Variants in NUMB observed in about 807,000 individuals in gnomAD.
NUMB encodes the protein protein numb homolog.
Under a neutral mutation model 59.7 loss-of-function variants are expected in NUMB, and 29 were observed. The observed-to-expected ratio is 0.49, with a 90% CI of 0.36 to 0.66. NUMB has a LOEUF of 0.66. NUMB is among the 30% of genes least tolerant of loss of function. NUMB has a pLI of 0.00. For synonymous variants in NUMB, 288 were observed against 288.2 expected (o/e 1.00, Z 0.01); for missense variants, 723 against 822.0 (o/e 0.88, Z 1.47).
At chr14:73,406,254 C>T (rs1232414708) in intron 2 of NUMB, among the ~76,000 whole-genome samples, 1 of 126,064 alleles carries the variant, frequency 7.9e-6, no homozygotes, top group Non-Finnish European at 1.6e-5. Flanking sequence ...CTCCCCCCAC[C>T]CCATGACAGG....
intron 12 of NUMB, among the ~76,000 whole-genome samples, chr14:73,277,689 G>A (rs12589333): frequency 6.6e-6 from 1 of 151,860 alleles, no homozygotes; most frequent in African/African-American, 2.4e-5. Context: ...TTGAGCCCAA[G>A]AGCTGGAGGC....
At chr14:73,416,320 ACTTTTT>A (rs1359563697) in intron 1 of NUMB, among the ~76,000 whole-genome samples, 3 of 144,230 alleles carry the variant, frequency 2.1e-5, no homozygotes, top group Non-Finnish European at 4.6e-5. Flanking sequence ...AAATACTCTT[ACTTTTT>A]CTTTTCTTTT....
chr14:73,374,696 T>C (rs72736334), intron 2 of NUMB, among the ~76,000 whole-genome samples: 23,536 of 151,422 alleles, frequency 0.16, 2,660 homozygotes, highest in Non-Finnish European at 0.23. Context: ...GAAACTTTTT[T>C]TTAGCCCTTT....
At position 73,331,817 on chromosome 14, in the gene NUMB, C is replaced by T. The variant is rs982419683; in HGVS notation, c.127-8613G>A. Among the ~76,000 whole-genome samples the T allele has an allele frequency of 5.9e-5, 9 of 152,114 alleles. No homozygotes were observed. The South Asian group carries it at 6.2e-4, about 11-fold the overall frequency. ...CCTTGTGAAGAGGTGCCTTCTGCCA[C>T]GATTGCAAGTTTCCTGAGGCCTCCC... is the stretch of plus-strand genomic sequence containing the variant. On this transcript the variant is annotated intron_variant, in intron 4 of 12. Transcript: ENST00000555238.
intron 1 of NUMB, among the ~76,000 whole-genome samples, chr14:73,428,285 T>C (rs1032572775): frequency 6.6e-6 from 1 of 152,184 alleles, no homozygotes; most frequent in Non-Finnish European, 1.5e-5. Context: ...CCTACCTACC[T>C]AGGCTTTGGG....
Position 73,440,765 on chromosome 14 carries a change from T to C in NUMB, c.-233+17728A>G, listed in dbSNP as rs145659362. ...ATAGTATGAAACCGGGAGGTGGAGGTTGCAGTGAGCTGAGATCGCGCCACT... is the reference window on the plus strand; with the variant it reads ...ATAGTATGAAACCGGGAGGTGGAGGCTGCAGTGAGCTGAGATCGCGCCACT... On this transcript the variant is annotated intron_variant, in intron 1 of 12. Transcript: ENST00000555238. Among the ~76,000 whole-genome samples the C allele has an allele frequency of 5.6e-3, 809 of 145,516 alleles. 6 individuals are homozygous for C. Among genetic ancestry groups the C allele is most frequent in the Non-Finnish European group, 8.4e-3 (559 of 66,926 alleles).
At chr14:73,341,682 A>G (rs1215974718) in intron 4 of NUMB, among the ~76,000 whole-genome samples, 1 of 152,186 alleles carries the variant, frequency 6.6e-6, no homozygotes, top group African/African-American at 2.4e-5. Context: ...CAGCCTCCAG[A>G]GTACCTGGGA....
chr14:73,379,734 G>A (rs1323179479), intron 2 of NUMB, among the ~76,000 whole-genome samples: 2 of 152,192 alleles, frequency 1.3e-5, no homozygotes, highest in Non-Finnish European at 2.9e-5. Context: ...TGAGGCAAGT[G>A]TACAAGTCCT....
chr14:73,435,808 A>G (rs993779163), intron 1 of NUMB, among the ~76,000 whole-genome samples: 2 of 151,932 alleles, frequency 1.3e-5, no homozygotes, highest in Non-Finnish European at 2.9e-5. Context: ...GGAGTTCGAG[A>G]CTAGCCTGAC....
chr14:73,352,399 A>G (rs1347794043), intron 4 of NUMB, among the ~76,000 whole-genome samples: 7 of 143,328 alleles, frequency 4.9e-5, no homozygotes, highest in Non-Finnish European at 1.1e-4. Flanking sequence ...TCTTTTCTTA[A>G]AAGTATTTAC....
At chr14:73,419,884 G>T (rs1295254585) in intron 1 of NUMB, among the ~76,000 whole-genome samples, 2 of 152,084 alleles carry the variant, frequency 1.3e-5, no homozygotes, top group Admixed American at 6.5e-5. Flanking sequence ...AATTTTTTTT[G>T]AGAAAGAGTC....
At chr14:73,395,981 G>A (rs1358349289) in intron 2 of NUMB, among the ~76,000 whole-genome samples, 1 of 152,136 alleles carries the variant, frequency 6.6e-6, no homozygotes, top group Non-Finnish European at 1.5e-5. Context: ...CTAAATTGGA[G>A]TTGATATCAA....
rs149960397 is a variant in NUMB at position 73,275,806 on chromosome 14, G to C, written c.*772C>G. On this transcript the variant is annotated 3_prime_UTR_variant, in exon 13 of 13. Coordinates refer to ENST00000555238, the MANE Select transcript of NUMB (RefSeq NM_001005743.2). ...TGAATGACTGACAGAAAACAAGCTA[G>C]GGATCCTGTCTGCAGCTTCCAGCCT... 6.5e-6 allele frequency: 1 copy of C among 152,680 alleles called. No individual in the cohort carries two copies. The highest frequency in any genetic ancestry group is 1.9e-4 in the East Asian group (1 of 5,190). The allele number at this position is 152,680 out of a possible 1,614,324, so 9.5% of individuals were successfully genotyped here.
In NUMB at chr14:73,277,274, A is replaced by T. The variant is rs1175769145; in HGVS notation, c.1260T>A (p.Ser420=). 1.2e-6 allele frequency: 2 copies of T among 1,600,992 alleles called. No homozygotes were observed. Among genetic ancestry groups the T allele is most frequent in the East Asian group, 2.2e-5 (1 of 44,484 alleles). Reference sequence around the variant, plus strand: ...AGAGACCTGGAGAGGCAGCACCAGAAGATTGACCCCACTCGGTCCCTGGAA... The same window carrying T: ...AGAGACCTGGAGAGGCAGCACCAGATGATTGACCCCACTCGGTCCCTGGAA... ...ATCSGTEWGQ[S]SGAASPGLFQ... The change falls in exon 13 of 13, where the codon TCT becomes TCA. Residue 420 remains serine, a synonymous_variant. Transcript: ENST00000555238.
chr14:73,377,415 C>T (rs1895004772), intron 2 of NUMB, among the ~76,000 whole-genome samples: 2 of 151,936 alleles, frequency 1.3e-5, no homozygotes, highest in African/African-American at 4.8e-5. Flanking sequence ...GGGGGGCAGG[C>T]AGATCACTTG....
intron 4 of NUMB, among the ~76,000 whole-genome samples, chr14:73,333,655 A>C (rs1892118797): frequency 6.6e-6 from 1 of 152,178 alleles, no homozygotes; most frequent in Admixed American, 6.5e-5. Flanking sequence ...TATAATTTCC[A>C]AACATTTTCT....
chr14:73,428,338 G>A (rs553255782), intron 1 of NUMB, among the ~76,000 whole-genome samples: 1 of 152,126 alleles, frequency 6.6e-6, no homozygotes, highest in East Asian at 1.9e-4. Context: ...GAGGTCTCTT[G>A]GGCTCTTCTA....
At position 73,292,813 on chromosome 14, in the gene NUMB, T is replaced by C. The variant is rs1406242453; in HGVS notation, c.371A>G (p.Asp124Gly). The C allele has an allele frequency of 6.2e-7, 1 of 1,614,194 alleles. No individual in the cohort carries two copies. Among genetic ancestry groups the C allele is most frequent in the South Asian group, 1.1e-5 (1 of 91,078 alleles). ...VSFCAPDRNF[D>G]RAFSYICRDG... The stretch of plus-strand genomic sequence containing the variant: ...ACGGCATATGTAAGAAAAGGCTCTA[T>C]CAAAGTTCCTGTCTGGGGCACAGAA... Residue 124 changes from aspartate to glycine, a missense_variant, in exon 8 of 13, where the codon GAT becomes GGT. By Grantham distance (94) the Asp-to-Gly change is moderately conservative (BLOSUM62 -1). Transcript: ENST00000555238.
intron 2 of NUMB, among the ~76,000 whole-genome samples, chr14:73,408,267 A>C (rs1896765896): frequency 6.6e-6 from 1 of 152,108 alleles, no homozygotes; most frequent in Non-Finnish European, 1.5e-5. Flanking sequence ...GATATTTACC[A>C]GAAATTTAGC....
Sources: allele counts gnomAD v4.1 joint callset (sites outside exome capture counted in the v4.1 genomes callset), GRCh38; gene constraint gnomAD v4.1.1; transcripts MANE v1.5; gene names NCBI Gene and HGNC (gene_info 2026-07-23, HGNC 2026-07-21).